Variants in ACVR1C observed in about 807,000 individuals in gnomAD.
ACVR1C encodes the protein activin receptor type-1C.
In ACVR1C, 23 loss-of-function variants were observed where a neutral mutation model predicts 57.9. The observed-to-expected ratio is 0.40, with a 90% CI of 0.29 to 0.56. ACVR1C has a LOEUF of 0.56. Ranked by LOEUF, ACVR1C falls within the 20% of genes least tolerant of loss-of-function variation. ACVR1C has a pLI of 0.50. For synonymous variants in ACVR1C, 214 were observed against 215.3 expected (o/e 0.99, Z 0.05); for missense variants, 480 against 607.9 (o/e 0.79, Z 2.21).
rs759738993 is a variant in ACVR1C at position 157,541,184 on chromosome 2, T to C, written c.1131A>G (p.Thr377=). 3 of 1,613,926 alleles carry C rather than the reference T, an allele frequency of 1.9e-6. No individual in the cohort carries two copies. The South Asian group carries it at 3.3e-5, about 18-fold the overall frequency. ...AGGACTCAAAGATATTCACATTCAT[T>C]GTATCATCAAGCATTTCAGGAGCCA... The part of the protein sequence containing the change: ...RYMAPEMLDD[T]MNVNIFESFK... Residue 377 remains threonine (T), a synonymous_variant, in exon 7 of 9, where the codon ACA becomes ACG. Transcript: ENST00000243349.
In ACVR1C at chr2:157,526,993, G is replaced by C. The variant is rs902053152; in HGVS notation, c.*6925C>G. ...AAAATAAATACTTTTATGACTTGCT[G>C]TTGGTAAAGTTAAACATTTTGGTAT... On this transcript the variant is annotated 3_prime_UTR_variant, in exon 9 of 9. Transcript: ENST00000243349. 2 of 152,118 alleles carry C rather than the reference G, an allele frequency of 1.3e-5. No homozygotes were observed. Among genetic ancestry groups the C allele is most frequent in the African/African-American group, 4.8e-5 (2 of 41,434 alleles). The allele number at this position is 152,118 out of a possible 1,614,324, so 9.4% of individuals were successfully genotyped here.
chr2:157,597,236 C>T (rs1401031924), intron 1 of ACVR1C: 1 of 618,672 alleles, frequency 1.6e-6, no homozygotes. Context: ...AACCTGCCCC[C>T]ACTTTGTCAA....
At position 157,563,686 on chromosome 2, in the gene ACVR1C, T is replaced by C. The variant is rs1238463935; in HGVS notation, c.305-7354A>G. ...CAATCCTAAGTGAAAAGAACAAAGCTGGAGACATCATGCTACCTGACTTCA... is the reference window on the plus strand; with the variant it reads ...CAATCCTAAGTGAAAAGAACAAAGCCGGAGACATCATGCTACCTGACTTCA... On this transcript the variant is annotated intron_variant, in intron 2 of 8. Transcript: ENST00000243349. 1.3e-5 allele frequency among the ~76,000 whole-genome samples: 2 copies of C among 152,178 alleles called. 1 individual carries two copies. Among genetic ancestry groups the C allele is most frequent in the Non-Finnish European group, 2.9e-5 (2 of 68,030 alleles).
intron 4 of ACVR1C, among the ~76,000 whole-genome samples, chr2:157,547,590 G>A (rs1234605749): frequency 6.9e-6 from 1 of 144,468 alleles, no homozygotes; most frequent in African/African-American, 2.6e-5. Context: ...ATTTTTTCAT[G>A]TGTTTTTTGG....
At chr2:157,559,288 T>C (rs1270003665) in intron 2 of ACVR1C, among the ~76,000 whole-genome samples, 5 of 152,180 alleles carry the variant, frequency 3.3e-5, no homozygotes, top group Non-Finnish European at 7.3e-5. Flanking sequence ...AAAAGATTAC[T>C]CAGCTAGAAA....
At chr2:157,553,308 C>T (rs1435740108) in intron 3 of ACVR1C, among the ~76,000 whole-genome samples, 2 of 152,046 alleles carry the variant, frequency 1.3e-5, no homozygotes, top group African/African-American at 2.4e-5. Flanking sequence ...CACTGCCAAA[C>T]GTATGCAACT....
At chr2:157,593,183 G>A (rs1345140679) in intron 1 of ACVR1C, among the ~76,000 whole-genome samples, 1 of 152,118 alleles carries the variant, frequency 6.6e-6, no homozygotes, top group African/African-American at 2.4e-5. Context: ...ATATTTACAT[G>A]TGATGGCTAG....
intron 2 of ACVR1C, among the ~76,000 whole-genome samples, chr2:157,558,773 G>A (rs1030998415): frequency 1.3e-5 from 2 of 152,132 alleles, no homozygotes; most frequent in Admixed American, 6.5e-5. Flanking sequence ...GTAATCATTA[G>A]CCATGGTACT....
intron 1 of ACVR1C, among the ~76,000 whole-genome samples, chr2:157,592,688 T>G (rs1689074201): frequency 6.6e-6 from 1 of 152,134 alleles, no homozygotes; most frequent in Non-Finnish European, 1.5e-5. Flanking sequence ...ATAATTCAAC[T>G]ATATTTATAT....
chr2:157,611,554 C>T (rs908833739), intron 1 of ACVR1C, among the ~76,000 whole-genome samples: 39 of 151,754 alleles, frequency 2.6e-4, no homozygotes. Context: ...TTCTTGGGCC[C>T]CTGGGCAATA....
chr2:157,541,295 T>C (rs1687621291), intron 6 of ACVR1C, 81 bp from the exon 7 acceptor site: 11 of 1,418,326 alleles, frequency 7.8e-6, no homozygotes, highest in Admixed American at 2.4e-5. Flanking sequence ...TTAAGATAGC[T>C]TATGCCATTT....
chr2:157,620,079 G>A (rs901287919), intron 1 of ACVR1C, among the ~76,000 whole-genome samples: 5 of 152,100 alleles, frequency 3.3e-5, no homozygotes, highest in Non-Finnish European at 4.4e-5. Context: ...TTGTTTTAAC[G>A]AAGTCAACTT....
chr2:157,621,684 C>T (rs1022543176), intron 1 of ACVR1C, among the ~76,000 whole-genome samples: 1 of 152,156 alleles, frequency 6.6e-6, no homozygotes, highest in South Asian at 2.1e-4. Context: ...ACCTAGCAGT[C>T]GCCCCTGAAA....
rs1034318031 is a variant in ACVR1C at position 157,553,383 on chromosome 2, G to C, written c.544+2710C>G. Reference sequence around the variant, plus strand: ...TATTTAAAGAAATCATCCATGCTTGGGTACATTTACTACTTTTTTTTTTTT... The same window carrying C: ...TATTTAAAGAAATCATCCATGCTTGCGTACATTTACTACTTTTTTTTTTTT... On this transcript the variant is annotated intron_variant, in intron 3 of 8. Coordinates refer to ENST00000243349, the MANE Select transcript of ACVR1C (RefSeq NM_145259.3). Among the ~76,000 whole-genome samples the C allele has an allele frequency of 5.4e-5, 8 of 149,310 alleles. No homozygotes were observed. The East Asian group carries it at 1.3e-3, about 25-fold the overall frequency.
rs147058339 is a variant in ACVR1C at position 157,538,646 on chromosome 2, A to G, written c.1283T>C (p.Ile428Thr). 34 of 1,583,932 alleles carry G rather than the reference A, an allele frequency of 2.1e-5. No individual in the cohort carries two copies. Among genetic ancestry groups the G allele is most frequent in the Non-Finnish European group, 2.7e-5 (32 of 1,165,614 alleles). ...YYDMVPSDPS[I>T]EEMRKVVCDQ... ...ACAAACAACCTTTCTCATTTCCTCT[A>G]TCGAGGGATCTGAAGGCACCATGTC... The change falls in exon 8 of 9, where the codon ATA becomes ACA. Residue 428 changes from isoleucine to threonine, a missense_variant. By Grantham distance (89) the Ile-to-Thr change is moderately conservative (BLOSUM62 -1). Transcript: ENST00000243349.
At chr2:157,581,787 G>T (rs1261197859) in intron 2 of ACVR1C, among the ~76,000 whole-genome samples, 1 of 152,206 alleles carries the variant, frequency 6.6e-6, no homozygotes, top group Non-Finnish European at 1.5e-5. Flanking sequence ...TTCTTCTACT[G>T]TGTAGTACAT....
chr2:157,539,622 G>T (rs560755130), intron 7 of ACVR1C, among the ~76,000 whole-genome samples: 6 of 152,222 alleles, frequency 3.9e-5, no homozygotes, highest in South Asian at 4.1e-4. Context: ...GCTATCTGCC[G>T]TGCATTGCCT....
chr2:157,599,315 A>C (rs1342731980), intron 1 of ACVR1C, among the ~76,000 whole-genome samples: 1 of 17,870 alleles, frequency 5.6e-5, no homozygotes, highest in East Asian at 9.3e-4. Context: ...GCCTGGGCTC[A>C]AAAAAAAAAA....
chr2:157,556,869 G>T (rs1036394134), intron 2 of ACVR1C, among the ~76,000 whole-genome samples: 5 of 151,862 alleles, frequency 3.3e-5, no homozygotes, highest in African/African-American at 1.2e-4. Flanking sequence ...CACCATGTTG[G>T]CCAGGCTGGT....
Sources: gnomAD v4.1 joint callset for allele counts (sites outside exome capture counted in the v4.1 genomes callset) on GRCh38, gnomAD v4.1.1 for gene constraint, MANE v1.5 for transcripts, NCBI Gene and HGNC (gene_info 2026-07-23, HGNC 2026-07-21) for gene names.